The following KRCC1 variants were observed in gnomAD, a reference collection of about 807,000 sequenced individuals.
The protein encoded by KRCC1 is lysine rich coiled-coil 1.
A neutral mutation model predicts 7.4 loss-of-function variants in KRCC1; 3 were observed. The ratio of observed to expected loss-of-function variants is 0.40; its 90% CI spans 0.18 to 1.04. The LOEUF (loss-of-function observed/expected upper bound fraction) is 1.04, where lower values mean the gene tolerates loss of function less well. Among genes scored for constraint, KRCC1 ranks in the 50% least tolerant of loss-of-function variants. The pLI is 0.33. For missense variants in KRCC1, 277 were observed against 300.9 expected (o/e 0.92, Z 0.59); for synonymous variants, 102 against 101.6 (o/e 1.00, Z -0.02).
intron 1 of KRCC1, among the ~76,000 whole-genome samples, chr2:88,054,919 T>C (rs762319198): frequency 6.6e-6 from 1 of 152,316 alleles, no homozygotes; most frequent in South Asian, 2.1e-4. Context: ...CAGCGAGCTA[T>C]GATCGCGCCA....
At chr2:88,041,367 G>C (rs1263349596) in intron 1 of KRCC1, among the ~76,000 whole-genome samples, 3 of 152,174 alleles carry the variant, frequency 2.0e-5, no homozygotes, top group African/African-American at 7.2e-5. Flanking sequence ...GAGAAGTAGG[G>C]AGTGGAATGA....
intron 1 of KRCC1, among the ~76,000 whole-genome samples, chr2:88,050,378 C>A (rs2885671): frequency 0.17 from 25,178 of 152,134 alleles, 2,606 homozygotes; most frequent in Non-Finnish European, 0.23. Flanking sequence ...CCCAGCACTT[C>A]AGGAGGCTGA....
chr2:88,029,892 G>C (rs1240815299), intron 3 of KRCC1, among the ~76,000 whole-genome samples: 1 of 147,240 alleles, frequency 6.8e-6, no homozygotes, highest in African/African-American at 2.5e-5. Flanking sequence ...CTATCACCCA[G>C]GCTGGAGTTC....
chr2:88,034,062 T>C (rs1483069351), intron 3 of KRCC1, 72 bp downstream of exon 3: 1 of 152,614 alleles, frequency 6.6e-6, no homozygotes, highest in Non-Finnish European at 1.5e-5. Flanking sequence ...TTATGCTATG[T>C]GAAAGAAGCC....
chr2:88,052,244 C>A (rs912965024), intron 1 of KRCC1, among the ~76,000 whole-genome samples: 2 of 152,198 alleles, frequency 1.3e-5, no homozygotes, highest in African/African-American at 4.8e-5. Context: ...AAATAATTCA[C>A]CATGCTATGT....
intron 1 of KRCC1, among the ~76,000 whole-genome samples, chr2:88,048,058 G>T (rs1175697649): frequency 6.7e-6 from 1 of 149,804 alleles, no homozygotes; most frequent in African/African-American, 2.5e-5. Flanking sequence ...CTTTTTTTCT[G>T]TCAGCAATGT....
chr2:88,031,491 G>A (rs764303004), intron 3 of KRCC1, among the ~76,000 whole-genome samples: 5 of 151,956 alleles, frequency 3.3e-5, no homozygotes, highest in African/African-American at 9.7e-5. Flanking sequence ...GCATGGTGGC[G>A]CATGTCTGTA....
At chr2:88,039,752 A>G (rs1673166486) in intron 1 of KRCC1, among the ~76,000 whole-genome samples, 1 of 152,024 alleles carries the variant, frequency 6.6e-6, no homozygotes, top group Non-Finnish European at 1.5e-5. Flanking sequence ...TAAAGGACTT[A>G]ATTACATTTG....
chr2:88,029,815 TATA>T (rs1042508752), intron 3 of KRCC1, among the ~76,000 whole-genome samples: 6 of 146,380 alleles, frequency 4.1e-5, no homozygotes, highest in Admixed American at 6.9e-5. Flanking sequence ...ACTATGAAAT[TATA>T]ATATTATATA....
At chr2:88,045,034 CTT>C (rs879808566) in intron 1 of KRCC1, among the ~76,000 whole-genome samples, 1 of 144,494 alleles carries the variant, frequency 6.9e-6, no homozygotes. Flanking sequence ...ATTTTTTGTA[CTT>C]TTTTTTTTTG....
At chr2:88,035,483 T>G (rs1406462652) in intron 2 of KRCC1, among the ~76,000 whole-genome samples, 2 of 152,128 alleles carry the variant, frequency 1.3e-5, no homozygotes, top group Non-Finnish European at 2.9e-5. Context: ...AGTCAGGGCC[T>G]TAGAATAAAA....
At chr2:88,046,826 A>C (rs912310909) in intron 1 of KRCC1, among the ~76,000 whole-genome samples, 17 of 152,032 alleles carry the variant, frequency 1.1e-4, no homozygotes, top group Non-Finnish European at 1.5e-5. Flanking sequence ...ATCTGCCACT[A>C]AGCCCAGCTT....
chr2:88,052,792 T>C (rs1289042474), intron 1 of KRCC1, among the ~76,000 whole-genome samples: 2 of 152,244 alleles, frequency 1.3e-5, no homozygotes, highest in African/African-American at 4.8e-5. Context: ...TTAGTATACT[T>C]GTGTCTGCAA....
intron 1 of KRCC1, 86 bp downstream of exon 1, chr2:88,055,540 G>A (rs900793142): frequency 2.0e-5 from 3 of 151,942 alleles, no homozygotes; most frequent in African/African-American, 7.2e-5. Context: ...CGCGCCCGGC[G>A]GGCTGGGCGC....
At chr2:88,036,671 T>C (rs985786512) in intron 2 of KRCC1, among the ~76,000 whole-genome samples, 1 of 152,196 alleles carries the variant, frequency 6.6e-6, no homozygotes, top group Non-Finnish European at 1.5e-5. Context: ...ATATCTTCCT[T>C]ATATTTACCA....
chr2:88,053,906 T>G (rs1191242435), intron 1 of KRCC1, among the ~76,000 whole-genome samples: 1 of 152,194 alleles, frequency 6.6e-6, no homozygotes, highest in Non-Finnish European at 1.5e-5. Context: ...CCATCATCTT[T>G]CACTCTGAAG....
At chr2:88,042,871 C>T (rs1673244225) in intron 1 of KRCC1, among the ~76,000 whole-genome samples, 1 of 152,162 alleles carries the variant, frequency 6.6e-6, no homozygotes, top group Non-Finnish European at 1.5e-5. Context: ...TGGCATGCTA[C>T]AAAGAATCTA....
At chr2:88,043,630 G>A (rs947331758) in intron 1 of KRCC1, among the ~76,000 whole-genome samples, 14 of 152,020 alleles carry the variant, frequency 9.2e-5, no homozygotes, top group Admixed American at 2.0e-4. Flanking sequence ...TTACAGCATC[G>A]CCCTTACAAT....
intron 1 of KRCC1, among the ~76,000 whole-genome samples, chr2:88,046,693 C>A (rs998542400): frequency 6.6e-6 from 1 of 152,166 alleles, no homozygotes; most frequent in African/African-American, 2.4e-5. Flanking sequence ...TTTTTTGAGA[C>A]ATGGTCTCAT....
Sources: gnomAD v4.1 joint callset for allele counts (sites outside exome capture counted in the v4.1 genomes callset) on GRCh38, gnomAD v4.1.1 for gene constraint, MANE v1.5 for transcripts, NCBI Gene and HGNC (gene_info 2026-07-23, HGNC 2026-07-21) for gene names.